Variants in WNT9A observed in about 807,000 individuals in gnomAD.
WNT9A encodes protein Wnt-9a.
In WNT9A, 8 loss-of-function variants were observed where a neutral mutation model predicts 31.4. That is an observed-to-expected ratio of 0.26 (90% confidence interval 0.15 to 0.46). The LOEUF is 0.46. Among genes scored for constraint, WNT9A ranks in the 20% least tolerant of loss-of-function variants. WNT9A has a pLI of 0.99. For missense variants in WNT9A, 457 were observed against 522.9 expected, an observed-to-expected ratio of 0.87 and a Z score of 1.23; for synonymous variants, 236 against 220.1, an observed-to-expected ratio of 1.07 and a Z score of -0.64.
rs1038671605 is a variant in WNT9A at position 227,925,009 on chromosome 1, G to C, written c.352+254C>G. Reference sequence around the variant, plus strand: ...GTCGGGGCAGCCCCGGGTAGCCTGGGGCCCCGTCAAAGGCCGAGTCAGCAT... The same window carrying C: ...GTCGGGGCAGCCCCGGGTAGCCTGGCGCCCCGTCAAAGGCCGAGTCAGCAT... On this transcript the variant is annotated intron_variant, in intron 2 of 3. Transcript: ENST00000272164. The surrounding 1 kb of genome is among the most constrained non-coding windows in gnomAD (Gnocchi z 6.0). Among the ~76,000 whole-genome samples the C allele has an allele frequency of 9.2e-5, 14 of 152,134 alleles. No homozygotes were observed. Among genetic ancestry groups the C allele is most frequent in the African/African-American group, 2.9e-4 (12 of 41,532 alleles).
chr1:227,943,239 A>G (rs927110108), intron 1 of WNT9A, among the ~76,000 whole-genome samples: 4 of 152,140 alleles, frequency 2.6e-5, no homozygotes, highest in Non-Finnish European at 4.4e-5. Flanking sequence ...GCAACGGGGG[A>G]TGTCCTGGCT....
At chr1:227,938,721 G>C (rs1050259671) in intron 1 of WNT9A, among the ~76,000 whole-genome samples, 2 of 152,124 alleles carry the variant, frequency 1.3e-5, no homozygotes, top group African/African-American at 4.8e-5. Flanking sequence ...CGCTTTAGTT[G>C]TTTCAAGCAG....
rs1041352927 is a variant in WNT9A at position 227,928,146 on chromosome 1, G to A, written c.96-2627C>T. 2.0e-5 allele frequency among the ~76,000 whole-genome samples: 3 copies of A among 152,114 alleles called. No homozygotes were observed. The highest frequency in any genetic ancestry group is 7.2e-5 in the African/African-American group (3 of 41,412). ...CCGGGGCACTGAGAGCTGGTTTGAC[G>A]GTGACTAGCTGAGTCCTCCAGCCTT... On this transcript the variant is annotated intron_variant, in intron 1 of 3. Coordinates refer to ENST00000272164, the MANE Select transcript of WNT9A (RefSeq NM_003395.4). This position sits in a 1 kb window ranked among gnomAD's most constrained non-coding sequence, Gnocchi z 4.5.
chr1:227,935,696 T>G (rs551375006), intron 1 of WNT9A, among the ~76,000 whole-genome samples: 1 of 152,242 alleles, frequency 6.6e-6, no homozygotes. Context: ...CTGTTGACCA[T>G]GCCTGTCCTG....
intron 1 of WNT9A, among the ~76,000 whole-genome samples, chr1:227,939,166 A>AG (rs1194640144): frequency 3.9e-5 from 6 of 152,248 alleles, no homozygotes; most frequent in Non-Finnish European, 7.3e-5. Context: ...GCCATGCCAC[A>AG]GGGCACACAG....
At chr1:227,932,805 CT>C (rs1289604708) in intron 1 of WNT9A, among the ~76,000 whole-genome samples, 1 of 152,190 alleles carries the variant, frequency 6.6e-6, no homozygotes, top group Admixed American at 6.5e-5. Flanking sequence ...TTGCAGGAAT[CT>C]TTTTTTCTGA....
At position 227,942,223 on chromosome 1, in the gene WNT9A, C is replaced by T. The variant is rs1184469047; in HGVS notation, c.95+5570G>A. On this transcript the variant is annotated intron_variant, in intron 1 of 3. Coordinates refer to ENST00000272164, the MANE Select transcript of WNT9A (RefSeq NM_003395.4). The surrounding 1 kb of genome is among the most constrained non-coding windows in gnomAD (Gnocchi z 5.7). ...CGGCTGTGGACAGGACATCTGCTCCCTCAGCTGTGGCAGGCCAGGCACTGC... is the reference window on the plus strand; with the variant it reads ...CGGCTGTGGACAGGACATCTGCTCCTTCAGCTGTGGCAGGCCAGGCACTGC... 2.0e-5 allele frequency among the ~76,000 whole-genome samples: 3 copies of T among 152,168 alleles called. No homozygotes were observed. Among genetic ancestry groups the T allele is most frequent in the African/African-American group, 7.2e-5 (3 of 41,436 alleles).
chr1:227,919,843 ACACT>A lies in WNT9A; in HGVS notation c.*1671_*1674del, dbSNP rs1666279377. 7.7e-6 allele frequency: 1 copy of A among 130,668 alleles called. No homozygotes were observed. Among genetic ancestry groups the A allele is most frequent in the South Asian group, 2.3e-4 (1 of 4,336 alleles). 8.1% of individuals were successfully genotyped at this position (130,668 alleles called of 1,614,324 possible). On this transcript the variant is annotated 3_prime_UTR_variant, in exon 4 of 4. Transcript: ENST00000272164. Reference sequence around the variant, plus strand: ...ATGCACACTGACCACGCCAGCACACACACTCTCACAACACACACACACACTACAC... The same window carrying A: ...ATGCACACTGACCACGCCAGCACACACTCACAACACACACACACACTACAC...
chr1:227,933,229 T>C (rs1666540742), intron 1 of WNT9A, among the ~76,000 whole-genome samples: 1 of 152,254 alleles, frequency 6.6e-6, no homozygotes, highest in African/African-American at 2.4e-5. Context: ...ACTTTTATGT[T>C]ACAGAGACCG....
chr1:227,937,983 G>A (rs1371622524), intron 1 of WNT9A, among the ~76,000 whole-genome samples: 2 of 152,168 alleles, frequency 1.3e-5, no homozygotes, highest in Admixed American at 6.5e-5. Context: ...GCGCACACGT[G>A]GTGGCTGTGC....
chr1:227,922,079 C>T, intron 3 of WNT9A, 79 bp from the exon 4 acceptor site: 1 of 1,512,030 alleles, frequency 6.6e-7, no homozygotes, highest in Non-Finnish European at 8.8e-7. Context: ...CCCTGGACCC[C>T]CAGAGGGACC....
At position 227,925,623 on chromosome 1, in the gene WNT9A, G is replaced by A; in HGVS notation, c.96-104C>T. On this transcript the variant is annotated intron_variant, in intron 1 of 3. Transcript: ENST00000272164. The surrounding 1 kb of genome is among the most constrained non-coding windows in gnomAD (Gnocchi z 6.0). ...TACAGGGGACAGGCGTGTCCATCCG[G>A]GGGTGAGGGGGCAGAAAGAATCCAG... 1 of 1,412,474 alleles carries A rather than the reference G, an allele frequency of 7.1e-7. No individual in the cohort carries two copies. 87.5% of individuals were successfully genotyped at this position (1,412,474 alleles called of 1,614,324 possible). A position where few individuals can be genotyped will look rare whatever the true frequency, so the allele number is the denominator to read the frequency against.
chr1:227,941,103 G>A (rs1183076791), intron 1 of WNT9A, among the ~76,000 whole-genome samples: 1 of 152,248 alleles, frequency 6.6e-6, no homozygotes, highest in Non-Finnish European at 1.5e-5. Flanking sequence ...CTGGCAGCCA[G>A]GTCTGCACTG....
At chr1:227,922,990 G>T (rs1365261230) in intron 3 of WNT9A, among the ~76,000 whole-genome samples, 10 of 152,212 alleles carry the variant, frequency 6.6e-5, no homozygotes, top group African/African-American at 2.4e-4. Flanking sequence ...GGAGCTAATG[G>T]AGCACCTTCA....
At chr1:227,941,844 G>A (rs868333613) in intron 1 of WNT9A, among the ~76,000 whole-genome samples, 2 of 152,016 alleles carry the variant, frequency 1.3e-5, no homozygotes, top group African/African-American at 2.4e-5. Context: ...TGACCCCGCC[G>A]CCCAGCACAA....
chr1:227,921,970 T>C lies in WNT9A; in HGVS notation c.646A>G (p.Lys216Glu). 6.2e-7 allele frequency: 1 copy of C among 1,610,886 alleles called. No homozygotes were observed. The highest frequency in any genetic ancestry group is 2.2e-5 in the East Asian group (1 of 44,814). ...VIKAGVETTCKCHGVSGSCTV... is the reference protein window; with the variant it reads ...VIKAGVETTCECHGVSGSCTV... ...CATGAGCCTGACACGCCGTGGCACT[T>C]GCAGGTGGTCTCCACCCCAGCCTTG... The change falls in exon 4 of 4, where the codon AAG (lysine) becomes GAG (glutamate). Residue 216 changes from lysine to glutamate, a missense_variant. Coordinates refer to ENST00000272164, the MANE Select transcript of WNT9A (RefSeq NM_003395.4).
At chr1:227,947,557 T>G (rs1021770380) in intron 1 of WNT9A, among the ~76,000 whole-genome samples, 1 of 150,624 alleles carries the variant, frequency 6.6e-6, no homozygotes, top group Non-Finnish European at 1.5e-5. Flanking sequence ...ACGACGACTC[T>G]GCGGTCACGG....
At chr1:227,934,808 G>A (rs949101751) in intron 1 of WNT9A, among the ~76,000 whole-genome samples, 1 of 151,610 alleles carries the variant, frequency 6.6e-6, no homozygotes, top group African/African-American at 2.4e-5. Context: ...CAAAGCCTGA[G>A]TCATAGATTC....
At position 227,940,018 on chromosome 1, in the gene WNT9A, T is replaced by G. The variant is rs185949748; in HGVS notation, c.95+7775A>C. 2.7e-3 allele frequency among the ~76,000 whole-genome samples: 416 copies of G among 152,292 alleles called. 2 individuals are homozygous for G. Among genetic ancestry groups the G allele is most frequent in the African/African-American group, 8.9e-3 (368 of 41,562 alleles). ...GGATGGCACGGGTGGCCTGTGCAGA[T>G]GCCCAGGTGCCTGCCAGGTGAAGCA... is the stretch of plus-strand genomic sequence containing the variant. On this transcript the variant is annotated intron_variant, in intron 1 of 3. Coordinates refer to ENST00000272164, the MANE Select transcript of WNT9A (RefSeq NM_003395.4).
Sources: gnomAD v4.1 joint callset for allele counts (sites outside exome capture counted in the v4.1 genomes callset) on GRCh38, gnomAD v4.1.1 for gene constraint, Gnocchi (gnomAD v3.1) non-coding constraint, MANE v1.5 for transcripts, NCBI Gene and HGNC (gene_info 2026-07-23, HGNC 2026-07-21) for gene names.